The following TAS1R3 variants were observed in gnomAD, a reference collection of about 807,000 sequenced individuals.
The protein encoded by TAS1R3 is taste receptor type 1 member 3.
Under a neutral mutation model 46.1 loss-of-function variants are expected in TAS1R3, and 58 were observed. The ratio of observed to expected loss-of-function variants is 1.26; its 90% CI spans 1.02 to 1.57. The LOEUF (loss-of-function observed/expected upper bound fraction) is 1.57. TAS1R3 is among the 40% of genes most tolerant of loss of function. The pLI, the probability that TAS1R3 is intolerant of heterozygous loss-of-function variation, is 0.00. For synonymous variants in TAS1R3, 724 were observed against 544.7 expected, an observed-to-expected ratio of 1.33 and a Z score of -4.58; for missense variants, 1,422 against 1,185.8, an observed-to-expected ratio of 1.20 and a Z score of -2.93.
rs1445848075 is a variant in TAS1R3, at chr1:1,333,091, CCTG to C, written c.1447_1449del (p.Leu483del). 6.2e-7 allele frequency: 1 copy of C among 1,612,374 alleles called. No individual in the cohort carries two copies. ...TCAACGGCAGCCTCAGGACAGAGCG[CCTG>C]AAGATCCGCTGGCACACGTCTGACA... On this transcript the variant is annotated inframe_deletion, in exon 4 of 6. Transcript: ENST00000339381.
rs1301893546 is a variant in TAS1R3, at chr1:1,331,751, C to T, written c.305C>T (p.Thr102Met). The change falls in exon 2 of 6, where the codon ACG (threonine) becomes ATG (methionine). Residue 102 changes from threonine (T) to methionine (M), a missense_variant. Physicochemically the swap from Thr to Met is moderately conservative, Grantham distance 81. Transcript: ENST00000339381. ...GLRLGYDLFD[T>M]CSEPVVAMKP... ...CGCCTGGGCTACGACCTCTTTGATACGTGCTCGGAGCCTGTGGTGGCCATG... is the reference window on the plus strand; with the variant it reads ...CGCCTGGGCTACGACCTCTTTGATATGTGCTCGGAGCCTGTGGTGGCCATG... 16 of 1,612,802 alleles carry T rather than the reference C, an allele frequency of 9.9e-6. No individual in the cohort carries two copies. The highest frequency in any genetic ancestry group is 1.3e-5 in the Non-Finnish European group (15 of 1,180,042).
chr1:1,332,461 G>T lies in TAS1R3; in HGVS notation c.930G>T (p.Met310Ile). 1 of 1,609,430 alleles carries T rather than the reference G, an allele frequency of 6.2e-7. No homozygotes were observed. ...SEAWLTSDLV[M>I]GLPGMAQMGT... is the part of the protein sequence containing the mutation. ...CCTGGCTGACCTCTGACCTGGTCAT[G>T]GGGCTGCCCGGCATGGCCCAGATGG... The change falls in exon 3 of 6, where the codon ATG becomes ATT. Residue 310 changes from methionine to isoleucine, a missense_variant. Transcript: ENST00000339381.
rs774147677 is a variant in TAS1R3, at chr1:1,334,475, T to C, written c.*11T>C. The C allele has an allele frequency of 1.3e-6, 2 of 1,522,122 alleles. No homozygotes were observed. The highest frequency in any genetic ancestry group is 2.5e-5 in the South Asian group (2 of 80,198). The allele number at this position is 1,522,122 out of a possible 1,614,324, so 94.3% of individuals were successfully genotyped here. A position where few individuals can be genotyped will look rare whatever the true frequency, so the allele number is the denominator to read the frequency against. Reference sequence around the variant, plus strand: ...GGGAAACATGAGTGACCCAACCCTGTGATCTCAGCCCCGGTGAACCCAGAC... The same window carrying C: ...GGGAAACATGAGTGACCCAACCCTGCGATCTCAGCCCCGGTGAACCCAGAC... On this transcript the variant is annotated 3_prime_UTR_variant, in exon 6 of 6. Coordinates refer to ENST00000339381, the MANE Select transcript of TAS1R3 (RefSeq NM_152228.3).
In TAS1R3 at chr1:1,333,913, G is replaced by T; in HGVS notation, c.2008G>T (p.Asp670Tyr). 1 of 1,600,980 alleles carries T rather than the reference G, an allele frequency of 6.2e-7. No individual in the cohort carries two copies. The highest frequency in any genetic ancestry group is 8.5e-7 in the Non-Finnish European group (1 of 1,179,820). The change falls in exon 6 of 6, where the codon GAC (aspartate) becomes TAC (tyrosine). Residue 670 changes from aspartate to tyrosine, a missense_variant. Transcript: ENST00000339381. ...VESELPLSWA[D>Y]RLSGCLRGPW... ...GTCAGAACTGCCTCTGAGCTGGGCAGACCGGCTGAGTGGCTGCCTGCGGGG... is the reference window on the plus strand; with the variant it reads ...GTCAGAACTGCCTCTGAGCTGGGCATACCGGCTGAGTGGCTGCCTGCGGGG...
rs3813211 is a variant in TAS1R3 at position 1,332,815 on chromosome 1, G to A, written c.1275+9G>A. 0.046 allele frequency: 73,439 copies of A among 1,599,988 alleles called. 4,795 individuals are homozygous for A. Among genetic ancestry groups the A allele is most frequent in the African/African-American group, 0.29 (21,472 of 74,896 alleles). The stretch of plus-strand genomic sequence containing the variant: ...CCGTGAAGCCCTGGCAGGTGAGCCC[G>A]GGAGATGGGGGTGTGCTGTCCTCTG... On this transcript the variant is annotated intron_variant, in intron 3 of 5. Coordinates refer to ENST00000339381, the MANE Select transcript of TAS1R3 (RefSeq NM_152228.3).
At position 1,334,130 on chromosome 1, in the gene TAS1R3, T is replaced by C. The variant is rs1468998154; in HGVS notation, c.2225T>C (p.Phe742Ser). ...CACGCCACCAATGCCACGCTGGCCTTTCTCTGCTTCCTGGGCACTTTCCTG... is the reference window on the plus strand; with the variant it reads ...CACGCCACCAATGCCACGCTGGCCTCTCTCTGCTTCCTGGGCACTTTCCTG... ...LAHATNATLAFLCFLGTFLVR... is the reference protein window; with the variant it reads ...LAHATNATLASLCFLGTFLVR... Residue 742 changes from phenylalanine (F) to serine (S), a missense_variant, in exon 6 of 6, where the codon TTT becomes TCT. By Grantham distance (155) the Phe-to-Ser change is radical. Transcript: ENST00000339381. The C allele has an allele frequency of 1.3e-6, 2 of 1,581,436 alleles. No individual in the cohort carries two copies. The highest frequency in any genetic ancestry group is 1.3e-5 in the African/African-American group (1 of 74,338).
In TAS1R3 at chr1:1,332,601, G is replaced by T; in HGVS notation, c.1070G>T (p.Arg357Met). 6.2e-7 allele frequency: 1 copy of T among 1,611,138 alleles called. No homozygotes were observed. The highest frequency in any genetic ancestry group is 8.5e-7 in the Non-Finnish European group (1 of 1,179,902). Residue 357 changes from arginine (R) to methionine (M), a missense_variant, in exon 3 of 6, where the codon AGG (arginine) becomes ATG (methionine). Physicochemically the swap from Arg to Met is moderately conservative, Grantham distance 91. Coordinates refer to ENST00000339381, the MANE Select transcript of TAS1R3 (RefSeq NM_152228.3). ...GCCTTCTGCTCTGCCCTGGGCGAGA[G>T]GGAGCAGGGTCTGGAGGAGGACGTG... ...DPAFCSALGEREQGLEEDVVG... is the reference protein window; with the variant it reads ...DPAFCSALGEMEQGLEEDVVG...
rs779441197 is a variant in TAS1R3, at chr1:1,332,680, A to G, written c.1149A>G (p.Ala383=). 5 of 1,605,276 alleles carry G rather than the reference A, an allele frequency of 3.1e-6. No homozygotes were observed. The highest frequency in any genetic ancestry group is 1.7e-5 in the Admixed American group (1 of 59,872). The change falls in exon 3 of 6, where the codon GCA becomes GCG. Residue 383 remains alanine (A), a synonymous_variant. Coordinates refer to ENST00000339381, the MANE Select transcript of TAS1R3 (RefSeq NM_152228.3). ...GCATCACGCTGCAGAACGTGAGCGCAGGGCTAAATCACCACCAGACGTTCT... is the reference window on the plus strand; with the variant it reads ...GCATCACGCTGCAGAACGTGAGCGCGGGGCTAAATCACCACCAGACGTTCT... ...CDCITLQNVS[A]GLNHHQTFSV... is the part of the protein sequence containing the mutation.
chr1:1,333,257 A>G lies in TAS1R3; in HGVS notation c.1480-2A>G. Reference sequence around the variant, plus strand: ...AGAGCCAGACCCCAGGCCTGTGCGCAGAAGCCCGTGTCCCGGTGCTCGCGG... The same window carrying G: ...AGAGCCAGACCCCAGGCCTGTGCGCGGAAGCCCGTGTCCCGGTGCTCGCGG... On this transcript the variant is annotated splice_acceptor_variant, in intron 4 of 5. Transcript: ENST00000339381. LOFTEE classifies it high-confidence loss of function. The G allele has an allele frequency of 1.3e-6, 2 of 1,599,086 alleles. No homozygotes were observed. The highest frequency in any genetic ancestry group is 1.1e-5 in the South Asian group (1 of 89,452).
In TAS1R3 at chr1:1,333,717, G is replaced by T. The variant is rs367757458; in HGVS notation, c.1812G>T (p.Gly604=). Residue 604 remains glycine, a synonymous_variant, in exon 6 of 6, where the codon GGG becomes GGT. Coordinates refer to ENST00000339381, the MANE Select transcript of TAS1R3 (RefSeq NM_152228.3). The part of the protein sequence containing the change: ...RDSPLVQASG[G]PLACFGLVCL... ...GCCCACTGGTTCAGGCCTCGGGGGG[G>T]CCCCTGGCCTGCTTTGGCCTGGTGT... 3.1e-6 allele frequency: 5 copies of T among 1,608,308 alleles called. No individual in the cohort carries two copies. Among genetic ancestry groups the T allele is most frequent in the Non-Finnish European group, 4.2e-6 (5 of 1,178,614 alleles).
rs373759165 is a variant in TAS1R3 at position 1,332,089 on chromosome 1, C to G, written c.558C>G (p.Thr186=). 5 of 1,601,506 alleles carry G rather than the reference C, an allele frequency of 3.1e-6. No individual in the cohort carries two copies. Among genetic ancestry groups the G allele is most frequent in the Non-Finnish European group, 4.2e-6 (5 of 1,179,858 alleles). The change falls in exon 3 of 6, where the codon ACC becomes ACG. Residue 186 remains threonine, a synonymous_variant. Transcript: ENST00000339381. ...AGACCTTCCCCTCCTTCTTCCGCAC[C>G]GTGCCCAGCGACCGTGTGCAGCTGA... is the stretch of plus-strand genomic sequence containing the variant. ...ARETFPSFFR[T]VPSDRVQLTA...
At position 1,332,797 on chromosome 1, in the gene TAS1R3, G is replaced by C. The variant is rs758888607; in HGVS notation, c.1266G>C (p.Lys422Asn). Reference sequence around the variant, plus strand: ...GCTGCCCCGCGCAGGACCCCGTGAAGCCCTGGCAGGTGAGCCCGGGAGATG... The same window carrying C: ...GCTGCCCCGCGCAGGACCCCGTGAACCCCTGGCAGGTGAGCCCGGGAGATG... ...ASGCPAQDPV[K>N]PWQLLENMYN... Residue 422 changes from lysine (K) to asparagine (N), a missense_variant, in exon 3 of 6, where the codon AAG (lysine) becomes AAC (asparagine). Coordinates refer to ENST00000339381, the MANE Select transcript of TAS1R3 (RefSeq NM_152228.3). 1.2e-6 allele frequency: 2 copies of C among 1,604,138 alleles called. No homozygotes were observed. The highest frequency in any genetic ancestry group is 2.7e-5 in the African/African-American group (2 of 74,964).
At position 1,332,407 on chromosome 1, in the gene TAS1R3, C is replaced by T. The variant is rs1180991029; in HGVS notation, c.876C>T (p.Leu292=). The change falls in exon 3 of 6, where the codon CTC becomes CTT. Residue 292 remains leucine, a synonymous_variant. Coordinates refer to ENST00000339381, the MANE Select transcript of TAS1R3 (RefSeq NM_152228.3). ...TCAACTACAGCATCAGCAGCAGGCT[C>T]TCGCCCAAGGTGTGGGTGGCCAGCG... ...ALFNYSISSR[L]SPKVWVASEA... 12 of 1,604,886 alleles carry T rather than the reference C, an allele frequency of 7.5e-6. No homozygotes were observed. The highest frequency in any genetic ancestry group is 1.0e-5 in the Non-Finnish European group (12 of 1,177,168).
rs920911241 is a variant in TAS1R3 at position 1,331,619 on chromosome 1, C to A, written c.192-19C>A. The A allele has an allele frequency of 6.2e-7, 1 of 1,606,918 alleles. No homozygotes were observed. On this transcript the variant is annotated intron_variant, in intron 1 of 5. Transcript: ENST00000339381. Reference sequence around the variant, plus strand: ...GAGCTGGGGCCGAGGTGGCCATCTGCGGTTCTGTGTGGCCCCAGGTTCTCC... The same window carrying A: ...GAGCTGGGGCCGAGGTGGCCATCTGAGGTTCTGTGTGGCCCCAGGTTCTCC...
Position 1,332,823 on chromosome 1 carries a change from G to A in TAS1R3, c.1275+17G>A, listed in dbSNP as rs1269582762. The A allele has an allele frequency of 1.3e-6, 2 of 1,598,400 alleles. No individual in the cohort carries two copies. The highest frequency in any genetic ancestry group is 2.2e-5 in the South Asian group (2 of 89,500). On this transcript the variant is annotated intron_variant, in intron 3 of 5. Transcript: ENST00000339381. ...CCCTGGCAGGTGAGCCCGGGAGATG[G>A]GGGTGTGCTGTCCTCTGCATGTGCC...
At position 1,334,666 on chromosome 1, in the gene TAS1R3, G is replaced by A. The variant is rs1343069036; in HGVS notation, c.*202G>A. ...ACCATCTGGGCCCCAGAGCCAAGCTGTGTCCCTGTCCCTCTGTGCCCAGAC... is the reference window on the plus strand; with the variant it reads ...ACCATCTGGGCCCCAGAGCCAAGCTATGTCCCTGTCCCTCTGTGCCCAGAC... On this transcript the variant is annotated 3_prime_UTR_variant, in exon 6 of 6. Transcript: ENST00000339381. 1.5e-5 allele frequency: 9 copies of A among 612,282 alleles called. No homozygotes were observed. The highest frequency in any genetic ancestry group is 1.3e-4 in the African/African-American group (7 of 54,088). The allele number at this position is 612,282 out of a possible 1,614,324, so 37.9% of individuals were successfully genotyped here.
Position 1,332,773 on chromosome 1 carries a change from C to A in TAS1R3, c.1242C>A (p.Gly414=), listed in dbSNP as rs1289490654. The change falls in exon 3 of 6, where the codon GGC becomes GGA. Residue 414 remains glycine, a synonymous_variant. Transcript: ENST00000339381. ...ACACTCTTCAGTGCAACGCCTCAGG[C>A]TGCCCCGCGCAGGACCCCGTGAAGC... ...LHNTLQCNAS[G]CPAQDPVKPW... The A allele has an allele frequency of 1.2e-6, 2 of 1,605,930 alleles. No homozygotes were observed. Among genetic ancestry groups the A allele is most frequent in the East Asian group, 4.5e-5 (2 of 44,846 alleles).
At position 1,332,934 on chromosome 1, in the gene TAS1R3, T is replaced by C. The variant is rs1643464179; in HGVS notation, c.1289T>C (p.Met430Thr). Residue 430 changes from methionine to threonine, a missense_variant, in exon 4 of 6, where the codon ATG (methionine) becomes ACG (threonine). Physicochemically the swap from Met to Thr is moderately conservative, Grantham distance 81 (BLOSUM62 -1). Coordinates refer to ENST00000339381, the MANE Select transcript of TAS1R3 (RefSeq NM_152228.3). ...PVKPWQLLEN[M>T]YNLTFHVGGL... Reference sequence around the variant, plus strand: ...CCCCGCCCGCAGCTCCTGGAGAACATGTACAACCTGACCTTCCACGTGGGC... The same window carrying C: ...CCCCGCCCGCAGCTCCTGGAGAACACGTACAACCTGACCTTCCACGTGGGC... 3.1e-6 allele frequency: 5 copies of C among 1,609,976 alleles called. No homozygotes were observed. Among genetic ancestry groups the C allele is most frequent in the Admixed American group, 1.7e-5 (1 of 59,934 alleles).
Position 1,333,776 on chromosome 1 carries a change from T to C in TAS1R3, c.1871T>C (p.Phe624Ser). 6.3e-7 allele frequency: 1 copy of C among 1,595,398 alleles called. No homozygotes were observed. Among genetic ancestry groups the C allele is most frequent in the Admixed American group, 1.7e-5 (1 of 58,458 alleles). Reference sequence around the variant, plus strand: ...CTGGTCTGCCTCAGCGTCCTCCTGTTCCCTGGCCAGCCCAGCCCTGCCCGA... The same window carrying C: ...CTGGTCTGCCTCAGCGTCCTCCTGTCCCCTGGCCAGCCCAGCCCTGCCCGA... ...LGLVCLSVLL[F>S]PGQPSPARCL... Residue 624 changes from phenylalanine to serine, a missense_variant, in exon 6 of 6, where the codon TTC becomes TCC. Transcript: ENST00000339381.
Sources: gnomAD v4.1 joint callset for allele counts on GRCh38, gnomAD v4.1.1 for gene constraint, MANE v1.5 for transcripts, NCBI Gene and HGNC (gene_info 2026-07-23, HGNC 2026-07-21) for gene names.